EXOC6: variants seen among roughly 807,000 people sequenced by gnomAD.
The protein encoded by EXOC6 is exocyst complex component 6, also known as SEC15-like 1.
Under a neutral mutation model 112.5 loss-of-function variants are expected in EXOC6, and 60 were observed. That is an observed-to-expected ratio of 0.53 (90% CI 0.43 to 0.66). EXOC6 has a LOEUF of 0.66. Ranked by LOEUF, EXOC6 falls within the 30% of genes least tolerant of loss-of-function variation. The pLI, the probability that EXOC6 is intolerant of heterozygous loss-of-function variation, is 0.00. For missense variants in EXOC6, 855 were observed against 957.1 expected, an observed-to-expected ratio of 0.89 and a Z score of 1.41; for synonymous variants, 295 against 308.0, an observed-to-expected ratio of 0.96 and a Z score of 0.44.
chr10:92,969,308 C>CATAT (rs1382897519), intron 17 of EXOC6, among the ~76,000 whole-genome samples: 1 of 152,172 alleles, frequency 6.6e-6, no homozygotes, highest in East Asian at 1.9e-4. Flanking sequence ...CGGTGCCAGA[C>CATAT]ATATGAGTGA....
chr10:92,827,506 A>AAAAAAC (rs1846406253), intron 1 of EXOC6, among the ~76,000 whole-genome samples: 1 of 147,318 alleles, frequency 6.8e-6, no homozygotes. Context: ...AAAAAAAAAA[A>AAAAAAC]TCCCCATGTT....
At position 92,896,083 on chromosome 10, in the gene EXOC6, G is replaced by A. The variant is rs867579775; in HGVS notation, c.412+1063G>A. On this transcript the variant is annotated intron_variant, in intron 4 of 21. Transcript: ENST00000260762. ...TGTATATATATGTGTATATATATGTGTATATATATATGTGTGTATATATAT... is the reference window on the plus strand; with the variant it reads ...TGTATATATATGTGTATATATATGTATATATATATATGTGTGTATATATAT... 2.2e-4 allele frequency among the ~76,000 whole-genome samples: 20 copies of A among 92,462 alleles called. 1 individual carries two copies. Among genetic ancestry groups the A allele is most frequent in the Non-Finnish European group, 3.4e-4 (16 of 46,544 alleles). The allele number at this position is 92,462 out of a possible 152,430, so 60.7% of individuals were successfully genotyped here. A position where few individuals can be genotyped will look rare whatever the true frequency, so the allele number is the denominator to read the frequency against.
chr10:92,924,272 C>G (rs1851588609), intron 8 of EXOC6, among the ~76,000 whole-genome samples: 2 of 152,116 alleles, frequency 1.3e-5, no homozygotes, highest in Admixed American at 1.3e-4. Context: ...TTTGACTAAT[C>G]TTAATACTCT....
At chr10:92,958,854 G>C (rs944261480) in intron 17 of EXOC6, among the ~76,000 whole-genome samples, 4 of 152,282 alleles carry the variant, frequency 2.6e-5, no homozygotes, top group Admixed American at 1.3e-4. Context: ...CCAGCACTTT[G>C]GGAGGGCGAG....
chr10:92,963,076 G>A (rs726274), intron 17 of EXOC6, among the ~76,000 whole-genome samples: 9 of 152,136 alleles, frequency 5.9e-5, no homozygotes, highest in African/African-American at 2.2e-4. Context: ...ATGCACAGAA[G>A]GCAGAAAGCT....
intron 20 of EXOC6, among the ~76,000 whole-genome samples, chr10:93,044,265 T>G (rs1845910375): frequency 1.3e-5 from 2 of 152,326 alleles, no homozygotes; most frequent in South Asian, 4.1e-4. Context: ...CAATCAGGTC[T>G]GGAAGTAAAT....
chr10:92,869,400 C>T (rs952752915), intron 1 of EXOC6, among the ~76,000 whole-genome samples: 1 of 152,088 alleles, frequency 6.6e-6, no homozygotes, highest in Non-Finnish European at 1.5e-5. Flanking sequence ...CCTCAAATTC[C>T]TGGGCTTAAG....
At chr10:93,030,520 G>A (rs1244320391) in intron 20 of EXOC6, among the ~76,000 whole-genome samples, 1 of 152,170 alleles carries the variant, frequency 6.6e-6, no homozygotes, top group Non-Finnish European at 1.5e-5. Flanking sequence ...AGCATGAACA[G>A]TAACACAGGA....
intron 8 of EXOC6, 64 bp from the exon 9 acceptor site, chr10:92,928,275 G>T: frequency 1.3e-6 from 1 of 799,990 alleles, no homozygotes; most frequent in Non-Finnish European, 2.1e-6. Flanking sequence ...GGGTAAAGAA[G>T]TATCTGTTTT....
At chr10:92,907,809 G>A (rs1275117913) in intron 5 of EXOC6, among the ~76,000 whole-genome samples, 1 of 151,886 alleles carries the variant, frequency 6.6e-6, no homozygotes, top group Non-Finnish European at 1.5e-5. Context: ...TAATATCTCA[G>A]GTATTATCAA....
chr10:92,929,079 C>G (rs1851878394), intron 9 of EXOC6, among the ~76,000 whole-genome samples: 1 of 152,206 alleles, frequency 6.6e-6, no homozygotes, highest in African/African-American at 2.4e-5. Context: ...GTACAGAGGG[C>G]TAAGCCCAGA....
intron 1 of EXOC6, among the ~76,000 whole-genome samples, chr10:92,889,567 A>C (rs571721171): frequency 2.8e-4 from 43 of 152,098 alleles, no homozygotes; most frequent in Admixed American, 2.8e-3. Flanking sequence ...TCTTTTCTCT[A>C]TTGTATTACC....
chr10:92,860,453 G>A (rs1330826264), intron 1 of EXOC6, among the ~76,000 whole-genome samples: 3 of 151,728 alleles, frequency 2.0e-5, no homozygotes, highest in African/African-American at 4.8e-5. Context: ...TAGTAGAGAC[G>A]GGGTTTCACC....
intron 21 of EXOC6, 132 bp from the exon 22 acceptor site, chr10:93,058,091 C>G: frequency 4.1e-6 from 3 of 732,584 alleles, no homozygotes; most frequent in South Asian, 4.1e-5. Flanking sequence ...TTAGTATCTA[C>G]TTTCTTTGAA....
At chr10:92,970,111 A>C (rs1002880647) in intron 17 of EXOC6, among the ~76,000 whole-genome samples, 1 of 152,064 alleles carries the variant, frequency 6.6e-6, no homozygotes, top group African/African-American at 2.4e-5. Context: ...ACTGCTTACT[A>C]TGTGCCAAGC....
intron 18 of EXOC6, among the ~76,000 whole-genome samples, chr10:92,974,557 G>GTCTCCCTCTCCCCACGGTCTCCC (rs1564876764): frequency 3.3e-5 from 5 of 151,830 alleles, no homozygotes; most frequent in African/African-American, 1.2e-4. Flanking sequence ...TCCCTCTCCC[G>GTCTCCCTCTCCCCACGGTCTCCC]TCTCCCTCTC....
chr10:92,976,026 G>T (rs1367408271), intron 18 of EXOC6, among the ~76,000 whole-genome samples: 4 of 96,052 alleles, frequency 4.2e-5, no homozygotes, highest in African/African-American at 1.8e-4. Context: ...CCGGCCAGCC[G>T]CCGCGTCCGG....
At chr10:92,914,330 C>G (rs1589821841) in intron 6 of EXOC6, among the ~76,000 whole-genome samples, 1 of 152,130 alleles carries the variant, frequency 6.6e-6, no homozygotes, top group Admixed American at 6.5e-5. Flanking sequence ...CTAGGGAGAA[C>G]AAAAGGACTA....
chr10:93,029,052 G>C (rs1373453130), intron 20 of EXOC6, among the ~76,000 whole-genome samples: 1 of 152,080 alleles, frequency 6.6e-6, no homozygotes, highest in Non-Finnish European at 1.5e-5. Context: ...TATTGGCATA[G>C]CCACCTCAGC....
Sources: allele counts gnomAD v4.1 joint callset (sites outside exome capture counted in the v4.1 genomes callset), GRCh38; gene constraint gnomAD v4.1.1; transcripts MANE v1.5; gene names NCBI Gene and HGNC (gene_info 2026-07-23, HGNC 2026-07-21).